Variants in BBOX1 observed in about 807,000 individuals in gnomAD.
BBOX1 encodes gamma-butyrobetaine hydroxylase 1.
Under a neutral mutation model 41.6 loss-of-function variants are expected in BBOX1, and 35 were observed. The observed-to-expected ratio is 0.84, with a 90% confidence interval of 0.64 to 1.11. BBOX1 has a LOEUF of 1.11. Ranked by LOEUF, BBOX1 falls within the 50% of genes most tolerant of loss-of-function variation. The pLI is 0.00. For missense variants in BBOX1, 458 were observed against 460.6 expected, an observed-to-expected ratio of 0.99 and a Z score of 0.05; for synonymous variants, 163 against 154.7, an observed-to-expected ratio of 1.05 and a Z score of -0.40.
intron 5 of BBOX1, among the ~76,000 whole-genome samples, chr11:27,101,914 A>G (rs1166247297): frequency 1.3e-5 from 2 of 152,136 alleles, no homozygotes; most frequent in African/African-American, 4.8e-5. Context: ...AACTATTGTC[A>G]CCATGCTGTT....
chr11:27,043,975 G>A (rs1455048171), intron 2 of BBOX1, among the ~76,000 whole-genome samples: 1 of 152,070 alleles, frequency 6.6e-6, no homozygotes, highest in African/African-American at 2.4e-5. Flanking sequence ...GGGATTGCTG[G>A]GTCAAATGGT....
chr11:27,122,912 C>A (rs539544660), intron 7 of BBOX1, among the ~76,000 whole-genome samples: 199 of 152,152 alleles, frequency 1.3e-3, no homozygotes, highest in Middle Eastern at 3.4e-3. Flanking sequence ...TAGCCAGTTA[C>A]TCCCATCTTT....
chr11:27,063,792 A>G (rs1857203542), intron 4 of BBOX1, among the ~76,000 whole-genome samples: 1 of 152,166 alleles, frequency 6.6e-6, no homozygotes, highest in Non-Finnish European at 1.5e-5. Flanking sequence ...GTAGCATTCC[A>G]TAAGAGGAAG....
chr11:27,102,556 C>T (rs901450113), intron 5 of BBOX1, among the ~76,000 whole-genome samples: 1 of 151,942 alleles, frequency 6.6e-6, no homozygotes, highest in Non-Finnish European at 1.5e-5. Context: ...GTATTATCAT[C>T]AACAAGCATC....
In BBOX1 at chr11:27,093,213, T is replaced by C. The variant is rs753676890; in HGVS notation, c.380T>C (p.Phe127Ser). 3.6e-5 allele frequency: 58 copies of C among 1,612,250 alleles called. No individual in the cohort carries two copies. The highest frequency in any genetic ancestry group is 2.6e-4 in the South Asian group (24 of 91,030). ...GSELQLPTLD[F>S]EDVLRYDEHA... is the part of the protein sequence containing the mutation. Reference sequence around the variant, plus strand: ...GAGCTCCAGCTACCCACTTTGGATTTTGAAGATGTTTTAAGATATGATGAA... The same window carrying C: ...GAGCTCCAGCTACCCACTTTGGATTCTGAAGATGTTTTAAGATATGATGAA... Residue 127 changes from phenylalanine (F) to serine (S), a missense_variant, in exon 5 of 9, where the codon TTT becomes TCT. Transcript: ENST00000263182.
intron 2 of BBOX1, among the ~76,000 whole-genome samples, chr11:27,046,792 C>T (rs1851499353): frequency 6.6e-6 from 1 of 152,024 alleles, no homozygotes; most frequent in Non-Finnish European, 1.5e-5. Flanking sequence ...TGCTATGGTG[C>T]TTCAACTGAG....
chr11:27,109,816 A>G (rs1858993100), intron 5 of BBOX1, among the ~76,000 whole-genome samples: 1 of 151,968 alleles, frequency 6.6e-6, no homozygotes, highest in South Asian at 2.1e-4. Flanking sequence ...ATGGGGGAAT[A>G]CCAGAGGCAG....
rs570203404 is a variant in BBOX1 at position 27,059,567 on chromosome 11, C to T, written c.334+2252C>T. On this transcript the variant is annotated intron_variant, in intron 4 of 8. Transcript: ENST00000263182. Reference sequence around the variant, plus strand: ...CCTGCAGACTCCATAATGGTAGATCCACCGCCAGCATGCATACTCAGCATG... The same window carrying T: ...CCTGCAGACTCCATAATGGTAGATCTACCGCCAGCATGCATACTCAGCATG... Among the ~76,000 whole-genome samples, 10 of 152,196 alleles carry T rather than the reference C, an allele frequency of 6.6e-5. No individual in the cohort carries two copies. In the South Asian group the frequency reaches 8.3e-4, roughly 13 times the overall value.
In BBOX1 at chr11:27,047,810, G is replaced by A. The variant is rs1851533029; in HGVS notation, c.-39+6332G>A. On this transcript the variant is annotated intron_variant, in intron 2 of 8. Transcript: ENST00000263182. Reference sequence around the variant, plus strand: ...GATTCAATGAGTTATTATACATAAAGAACTTCAAACAGTAAGTGGCATAAA... The same window carrying A: ...GATTCAATGAGTTATTATACATAAAAAACTTCAAACAGTAAGTGGCATAAA... 2.0e-5 allele frequency among the ~76,000 whole-genome samples: 3 copies of A among 151,830 alleles called. No homozygotes were observed. In the South Asian group the frequency reaches 6.2e-4, roughly 31 times the overall value.
At chr11:27,077,809 A>G (rs1184226100) in intron 4 of BBOX1, among the ~76,000 whole-genome samples, 1 of 152,032 alleles carries the variant, frequency 6.6e-6, no homozygotes, top group Non-Finnish European at 1.5e-5. Flanking sequence ...GGGAAAGATT[A>G]TATAGATTGT....
At chr11:27,041,554 A>T (rs2133935464) in intron 2 of BBOX1, 76 bp downstream of exon 2, 1 of 152,204 alleles carries the variant, frequency 6.6e-6, no homozygotes, top group South Asian at 2.1e-4. Context: ...TTTTCTCCTT[A>T]TTGCAAGGGT....
intron 4 of BBOX1, among the ~76,000 whole-genome samples, chr11:27,090,961 G>C (rs1056532042): frequency 6.6e-6 from 1 of 151,922 alleles, no homozygotes; most frequent in Non-Finnish European, 1.5e-5. Context: ...CAGGCAGTCA[G>C]ACCTTATGGT....
At position 27,127,568 on chromosome 11, in the gene BBOX1, A is replaced by C; in HGVS notation, c.*115A>C. 8.4e-7 allele frequency: 1 copy of C among 1,196,492 alleles called. No homozygotes were observed. The highest frequency in any genetic ancestry group is 1.2e-6 in the Non-Finnish European group (1 of 865,882). 74.1% of individuals were successfully genotyped at this position (1,196,492 alleles called of 1,614,324 possible). Reference sequence around the variant, plus strand: ...ACATATAATTTCCTTAACAATGAACATGTAACTTCTCTCACAAGAGTACTC... The same window carrying C: ...ACATATAATTTCCTTAACAATGAACCTGTAACTTCTCTCACAAGAGTACTC... On this transcript the variant is annotated 3_prime_UTR_variant, in exon 9 of 9. Coordinates refer to ENST00000263182, the MANE Select transcript of BBOX1 (RefSeq NM_003986.3).
At chr11:27,110,825 TATTC>T (rs1162873784) in intron 5 of BBOX1, among the ~76,000 whole-genome samples, 1 of 152,012 alleles carries the variant, frequency 6.6e-6, no homozygotes, top group Non-Finnish European at 1.5e-5. Flanking sequence ...AGTGTTTATT[TATTC>T]AAAGATAATT....
intron 4 of BBOX1, among the ~76,000 whole-genome samples, chr11:27,058,407 G>A (rs73430314): frequency 0.083 from 12,671 of 152,258 alleles, 1,699 homozygotes; most frequent in African/African-American, 0.29. Flanking sequence ...AATTGGTCCT[G>A]AGAAGTGAGG....
intron 4 of BBOX1, among the ~76,000 whole-genome samples, chr11:27,059,338 T>C (rs1590173051): frequency 6.6e-6 from 1 of 152,362 alleles, no homozygotes; most frequent in South Asian, 2.1e-4. Context: ...GGATGTATTA[T>C]GTTGGTGCAA....
chr11:27,125,793 T>C lies in BBOX1; in HGVS notation c.976T>C (p.Ser326Pro). 3 of 1,611,466 alleles carry C rather than the reference T, an allele frequency of 1.9e-6. No individual in the cohort carries two copies. The highest frequency in any genetic ancestry group is 2.5e-6 in the Non-Finnish European group (3 of 1,179,262). Residue 326 changes from serine to proline, a missense_variant, in exon 8 of 9, where the codon TCC becomes CCC. Ser to Pro is a moderately conservative substitution (Grantham distance 74). Transcript: ENST00000263182. ...EFVDLMNSKESKFTFKMNPGD... is the reference protein window; with the variant it reads ...EFVDLMNSKEPKFTFKMNPGD... ...TGTTGACCTCATGAACAGCAAAGAA[T>C]CCAAGTTTACCTTCAAGATGAATCC...
rs558205567 is a variant in BBOX1 at position 27,047,512 on chromosome 11, A to G, written c.-39+6034A>G. Among the ~76,000 whole-genome samples, 380 of 152,266 alleles carry G rather than the reference A, an allele frequency of 2.5e-3. 2 individuals are homozygous for G. Among genetic ancestry groups the G allele is most frequent in the African/African-American group, 8.1e-3 (336 of 41,552 alleles). On this transcript the variant is annotated intron_variant, in intron 2 of 8. Coordinates refer to ENST00000263182, the MANE Select transcript of BBOX1 (RefSeq NM_003986.3). Reference sequence around the variant, plus strand: ...GCACCCCTGGACTGGGTATTCATTAAGTATTAGTGTTTCACATTTCAAGTT... The same window carrying G: ...GCACCCCTGGACTGGGTATTCATTAGGTATTAGTGTTTCACATTTCAAGTT...
At chr11:27,092,620 CT>C (rs775147255) in intron 4 of BBOX1, among the ~76,000 whole-genome samples, 6 of 151,936 alleles carry the variant, frequency 3.9e-5, no homozygotes, top group Non-Finnish European at 8.8e-5. Context: ...ATACCTTCAT[CT>C]TTTCTTGCTG....
Sources: allele counts gnomAD v4.1 joint callset (sites outside exome capture counted in the v4.1 genomes callset), GRCh38; gene constraint gnomAD v4.1.1; transcripts MANE v1.5; gene names NCBI Gene and HGNC (gene_info 2026-07-23, HGNC 2026-07-21).